MUC13: variants seen among roughly 807,000 people sequenced by gnomAD.
MUC13 encodes mucin-13.
Under a neutral mutation model 48.3 loss-of-function variants are expected in MUC13, and 32 were observed. That is an observed-to-expected ratio of 0.66 (90% CI 0.50 to 0.89). The LOEUF (loss-of-function observed/expected upper bound fraction) is 0.89. Among genes scored for constraint, MUC13 ranks in the 40% least tolerant of loss-of-function variants. The pLI, the probability that MUC13 is intolerant of heterozygous loss-of-function variation, is 0.00. For synonymous variants in MUC13, 199 were observed against 224.9 expected (o/e 0.88, Z 1.03); for missense variants, 571 against 622.8 (o/e 0.92, Z 0.88).
At position 124,908,250 on chromosome 3, in the gene MUC13, G is replaced by A; in HGVS notation, c.1436C>T (p.Ala479Val). 1.2e-6 allele frequency: 2 copies of A among 1,614,154 alleles called. No individual in the cohort carries two copies. Among genetic ancestry groups the A allele is most frequent in the Non-Finnish European group, 1.7e-6 (2 of 1,180,028 alleles). The change falls in exon 11 of 12, where the codon GCA becomes GTA. Residue 479 changes from alanine to valine, a missense_variant. Transcript: ENST00000616727. ...LRSTGFTNLG[A>V]EGSVFPKVRI... Reference sequence around the variant, plus strand: ...GACCTTAGGAAAGACGCTCCCTTCTGCTCCAAGATTGGTGAAGCCTGTCGA... The same window carrying A: ...GACCTTAGGAAAGACGCTCCCTTCTACTCCAAGATTGGTGAAGCCTGTCGA...
chr3:124,919,656 C>G (rs1308716010), intron 5 of MUC13, among the ~76,000 whole-genome samples: 1 of 152,156 alleles, frequency 6.6e-6, no homozygotes, highest in Non-Finnish European at 1.5e-5. Context: ...CCAGAGGAGG[C>G]TGAGATGCAA....
At chr3:124,931,104 C>G (rs912190994) in intron 1 of MUC13, among the ~76,000 whole-genome samples, 4 of 152,132 alleles carry the variant, frequency 2.6e-5, no homozygotes, top group Admixed American at 1.3e-4. Context: ...CACACACCTC[C>G]AAAATCCTTA....
intron 1 of MUC13, among the ~76,000 whole-genome samples, chr3:124,933,810 T>C (rs1420137366): frequency 1.3e-5 from 2 of 152,268 alleles, no homozygotes; most frequent in East Asian, 3.9e-4. Context: ...ATGCCAGTGA[T>C]TTTTCTGCAA....
At chr3:124,907,544 G>A (rs570420993) in intron 11 of MUC13, among the ~76,000 whole-genome samples, 7 of 152,280 alleles carry the variant, frequency 4.6e-5, no homozygotes, top group African/African-American at 1.7e-4. Context: ...CTTAAGCCCA[G>A]GAGGTTGAGG....
chr3:124,915,002 GGAGGCACGAAGGC>G (rs1417098774), intron 6 of MUC13, among the ~76,000 whole-genome samples: 1 of 152,118 alleles, frequency 6.6e-6, no homozygotes, highest in Non-Finnish European at 1.5e-5. Context: ...GAAGGATGAG[GGAGGCACGAAGGC>G]GATTAGGAGA....
At position 124,927,645 on chromosome 3, in the gene MUC13, A is replaced by G. The variant is rs764729299; in HGVS notation, c.401T>C (p.Val134Ala). 6.8e-6 allele frequency: 11 copies of G among 1,614,130 alleles called. No homozygotes were observed. Among genetic ancestry groups the G allele is most frequent in the Non-Finnish European group, 9.3e-6 (11 of 1,180,026 alleles). ...SSPNDGLITM[V>A]PSETQSNNEM... is the part of the protein sequence containing the mutation. Reference sequence around the variant, plus strand: ...ATTGTTACTTTGTGTTTCAGAAGGAACCATTGTGATTAATCCATCATTTGG... The same window carrying G: ...ATTGTTACTTTGTGTTTCAGAAGGAGCCATTGTGATTAATCCATCATTTGG... Residue 134 changes from valine to alanine, a missense_variant, in exon 2 of 12, where the codon GTT becomes GCT. By Grantham distance (64) the Val-to-Ala change is moderately conservative. Transcript: ENST00000616727.
intron 6 of MUC13, 61 bp downstream of exon 6, chr3:124,916,256 G>T: frequency 4.6e-6 from 6 of 1,305,028 alleles, no homozygotes; most frequent in Non-Finnish European, 6.5e-6. Flanking sequence ...TAATGAAAAG[G>T]TTTACAAAAA....
At position 124,923,624 on chromosome 3, in the gene MUC13, A is replaced by T; in HGVS notation, c.540T>A (p.Asp180Glu). Residue 180 changes from aspartate (D) to glutamate (E), a missense_variant, in exon 3 of 12, where the codon GAT becomes GAA. Physicochemically the swap from Asp to Glu is conservative, Grantham distance 45 (BLOSUM62 2). Transcript: ENST00000616727. ...CACATAACGAATTATCTGCACAGGGATCATCTTGGCAAGGATTGCTGGGAC... is the reference window on the plus strand; with the variant it reads ...CACATAACGAATTATCTGCACAGGGTTCATCTTGGCAAGGATTGCTGGGAC... ...STGPSNPCQD[D>E]PCADNSLCVK... The T allele has an allele frequency of 6.2e-7, 1 of 1,613,962 alleles. No homozygotes were observed. Among genetic ancestry groups the T allele is most frequent in the Non-Finnish European group, 8.5e-7 (1 of 1,179,936 alleles).
rs546226298 is a variant in MUC13, at chr3:124,907,712, A to G, written c.*435T>C. 9.9e-5 allele frequency among the ~76,000 whole-genome samples: 15 copies of G among 152,134 alleles called. No individual in the cohort carries two copies. The East Asian group carries it at 2.9e-3, about 29-fold the overall frequency. The stretch of plus-strand genomic sequence containing the variant: ...TTGAGATCAAGCGGCAGGGAAAGAG[A>G]GCGTTGCCTTTACACAGCCTGGTGA... On this transcript the variant is annotated intron_variant, in intron 11 of 11. Transcript: ENST00000616727.
rs750376671 is a variant in MUC13, at chr3:124,913,229, T to C, written c.1096A>G (p.Lys366Glu). ...QSPFCVASSL[K>E]CPDACNAQHK... ...TGTGCGTTGCAGGCATCAGGACACT[T>C]GAGACTGGAAGCTTCAAAACAGAAT... The change falls in exon 8 of 12, where the codon AAG becomes GAG. Residue 366 changes from lysine to glutamate, a missense_variant. By Grantham distance (56) the Lys-to-Glu change is moderately conservative. Coordinates refer to ENST00000616727, the MANE Select transcript of MUC13 (RefSeq NM_033049.4). 1 of 1,611,328 alleles carries C rather than the reference T, an allele frequency of 6.2e-7. No individual in the cohort carries two copies.
intron 5 of MUC13, among the ~76,000 whole-genome samples, chr3:124,919,752 G>A (rs535990022): frequency 3.3e-5 from 5 of 152,204 alleles, no homozygotes; most frequent in Non-Finnish European, 5.9e-5. Context: ...TGCTCAATAA[G>A]TGCTTGTTCT....
intron 10 of MUC13, among the ~76,000 whole-genome samples, chr3:124,909,031 C>G (rs996140974): frequency 8.6e-5 from 13 of 151,934 alleles, no homozygotes; most frequent in Non-Finnish European, 1.6e-4. Context: ...GCATGTGCCT[C>G]TAGTCCCAGC....
At chr3:124,918,271 T>G (rs1438199308) in intron 5 of MUC13, among the ~76,000 whole-genome samples, 2 of 152,158 alleles carry the variant, frequency 1.3e-5, no homozygotes. Context: ...GAAATGCCTT[T>G]CTAGGTGAGC....
At chr3:124,931,487 C>A (rs936865018) in intron 1 of MUC13, among the ~76,000 whole-genome samples, 1 of 150,478 alleles carries the variant, frequency 6.6e-6, no homozygotes, top group Non-Finnish European at 1.5e-5. Context: ...GTGGCTCATG[C>A]CTGTAATCCC....
At chr3:124,933,679 C>A (rs1172852469) in intron 1 of MUC13, among the ~76,000 whole-genome samples, 1 of 152,216 alleles carries the variant, frequency 6.6e-6, no homozygotes, top group East Asian at 1.9e-4. Flanking sequence ...CTTTCTGTAA[C>A]CTCAAGATGG....
intron 8 of MUC13, 111 bp downstream of exon 8, chr3:124,913,000 C>G (rs1375368533): frequency 8.1e-7 from 1 of 1,234,072 alleles, no homozygotes; most frequent in African/African-American, 1.5e-5. Context: ...CTCTACCAAC[C>G]TATGACAGCT....
intron 4 of MUC13, among the ~76,000 whole-genome samples, 183 bp from the exon 5 acceptor site, chr3:124,920,472 A>G (rs1398746228): frequency 6.6e-6 from 1 of 152,192 alleles, no homozygotes; most frequent in Non-Finnish European, 1.5e-5. Flanking sequence ...AAAGGCTGCT[A>G]AGAGGACCTT....
At position 124,908,056 on chromosome 3, in the gene MUC13, G is replaced by A. The variant is rs918035806; in HGVS notation, c.*91C>T. The A allele has an allele frequency of 9.7e-6, 12 of 1,242,150 alleles. No individual in the cohort carries two copies. The Admixed American group carries it at 9.8e-5, about 10-fold the overall frequency. 76.9% of individuals were successfully genotyped at this position (1,242,150 alleles called of 1,614,324 possible). On this transcript the variant is annotated intron_variant, in intron 11 of 11. Coordinates refer to ENST00000616727, the MANE Select transcript of MUC13 (RefSeq NM_033049.4). The stretch of plus-strand genomic sequence containing the variant: ...GAAAAAGAAAAAGAAAGCCTGCGGG[G>A]CAGCCAAGGATTGAAGATTCAGCAA...
At chr3:124,932,579 A>G (rs564326460) in intron 1 of MUC13, among the ~76,000 whole-genome samples, 3 of 152,094 alleles carry the variant, frequency 2.0e-5, no homozygotes, top group African/African-American at 7.2e-5. Flanking sequence ...AAAAAAAAAA[A>G]GAAAGAAAGA....
Sources: gnomAD v4.1 joint callset for allele counts (sites outside exome capture counted in the v4.1 genomes callset) on GRCh38, gnomAD v4.1.1 for gene constraint, MANE v1.5 for transcripts, NCBI Gene and HGNC (gene_info 2026-07-23, HGNC 2026-07-21) for gene names.